Variants in CCDC85C observed in about 807,000 individuals in gnomAD.
CCDC85C encodes coiled-coil domain-containing protein 85C.
Under a neutral mutation model 38.3 loss-of-function variants are expected in CCDC85C, and 18 were observed. That is an observed-to-expected ratio of 0.47 (90% CI 0.33 to 0.70). CCDC85C has a LOEUF of 0.70. Ranked by LOEUF, CCDC85C falls within the 30% of genes least tolerant of loss-of-function variation. The pLI, the probability that CCDC85C is intolerant of heterozygous loss-of-function variation, is 0.03. For synonymous variants in CCDC85C, 264 were observed against 293.8 expected, an observed-to-expected ratio of 0.90 and a Z score of 1.04; for missense variants, 566 against 621.2, an observed-to-expected ratio of 0.91 and a Z score of 0.94.
intron 1 of CCDC85C, among the ~76,000 whole-genome samples, chr14:99,562,967 C>G (rs1898147060): frequency 6.6e-6 from 1 of 152,206 alleles, no homozygotes; most frequent in African/African-American, 2.4e-5. Context: ...AGCTGGGGAA[C>G]AGTCCAGGGG....
chr14:99,577,619 C>T (rs879637956), intron 1 of CCDC85C, among the ~76,000 whole-genome samples: 3 of 151,978 alleles, frequency 2.0e-5, no homozygotes, highest in African/African-American at 7.3e-5. Flanking sequence ...TGTGTGTCTG[C>T]GAGTGCATGT....
chr14:99,568,940 A>T (rs570850593), intron 1 of CCDC85C, among the ~76,000 whole-genome samples: 1 of 152,080 alleles, frequency 6.6e-6, no homozygotes, highest in Non-Finnish European at 1.5e-5. Context: ...CACCTTGAAC[A>T]TGGGTTCTGG....
At chr14:99,598,043 C>T (rs1024555962) in intron 1 of CCDC85C, among the ~76,000 whole-genome samples, 6 of 152,212 alleles carry the variant, frequency 3.9e-5, no homozygotes, top group Non-Finnish European at 5.9e-5. Context: ...GGCTCTCTGA[C>T]CCTGGAGGCA....
Position 99,548,651 on chromosome 14 carries a change from C to G in CCDC85C, c.794-12563G>C, listed in dbSNP as rs141016331. 6.6e-6 allele frequency among the ~76,000 whole-genome samples: 1 copy of G among 151,858 alleles called. No individual in the cohort carries two copies. Among genetic ancestry groups the G allele is most frequent in the African/African-American group, 2.4e-5 (1 of 41,350 alleles). On this transcript the variant is annotated intron_variant, in intron 1 of 5. Coordinates refer to ENST00000380243, the MANE Select transcript of CCDC85C (RefSeq NM_001144995.2). The surrounding 1 kb of genome is among the most constrained non-coding windows in gnomAD (Gnocchi z 4.9). ...TTAACCCAACAATGAAATACTGTAG[C>G]GAGATAAAAATGAACAAACAAGAGC... is the stretch of plus-strand genomic sequence containing the variant.
At chr14:99,522,488 TA>T (rs779917497) in intron 2 of CCDC85C, 15 of 391,256 alleles carry the variant, frequency 3.8e-5, no homozygotes, top group Non-Finnish European at 6.1e-5. Flanking sequence ...GATGGCTGAA[TA>T]AACAGAATGA....
In CCDC85C at chr14:99,507,003, A is replaced by G; in HGVS notation, c.*8243T>C. On this transcript the variant is annotated 3_prime_UTR_variant, in exon 6 of 6. Transcript: ENST00000380243. ...TTCTCCCAAAGAAATCTCTGCCAGT[A>G]CATTTTTCTTTATGACATGCTTATT... 1.1e-6 allele frequency: 1 copy of G among 909,298 alleles called. No individual in the cohort carries two copies. The highest frequency in any genetic ancestry group is 1.9e-6 in the Non-Finnish European group (1 of 536,836). The allele number at this position is 909,298 out of a possible 1,614,324, so 56.3% of individuals were successfully genotyped here. A position where few individuals can be genotyped will look rare whatever the true frequency, so the allele number is the denominator to read the frequency against.
At chr14:99,542,842 G>A (rs949445184) in intron 1 of CCDC85C, among the ~76,000 whole-genome samples, 3 of 152,198 alleles carry the variant, frequency 2.0e-5, no homozygotes, top group African/African-American at 4.8e-5. Context: ...TGAGCACTTC[G>A]GGTTTCCCCC....
chr14:99,575,826 C>A (rs1175611818), intron 1 of CCDC85C, among the ~76,000 whole-genome samples: 1 of 152,208 alleles, frequency 6.6e-6, no homozygotes, highest in Non-Finnish European at 1.5e-5. Context: ...CCCAGGGACA[C>A]CCAGGCTGGA....
chr14:99,504,080 G>T lies in CCDC85C; in HGVS notation c.*11166C>A. ...CCAGCCCAGCTGCCCTTGCAGGCAA[G>T]GCCTCTTTGAAACACACTTGGGTTG... On this transcript the variant is annotated 3_prime_UTR_variant, in exon 6 of 6. Coordinates refer to ENST00000380243, the MANE Select transcript of CCDC85C (RefSeq NM_001144995.2). 2.6e-6 allele frequency: 1 copy of T among 386,074 alleles called. No homozygotes were observed. The highest frequency in any genetic ancestry group is 5.2e-6 in the Non-Finnish European group (1 of 194,108). The allele number at this position is 386,074 out of a possible 1,614,324, so 23.9% of individuals were successfully genotyped here.
At chr14:99,551,715 G>C (rs1361836998) in intron 1 of CCDC85C, among the ~76,000 whole-genome samples, 1 of 151,386 alleles carries the variant, frequency 6.6e-6, no homozygotes, top group African/African-American at 2.4e-5. Context: ...GTGAGCAGGT[G>C]GGTGGGCAGA....
In CCDC85C at chr14:99,544,016, G is replaced by A. The variant is rs1897761241; in HGVS notation, c.794-7928C>T. ...AAAAGAGTTCTCCCATCCACTTGGG[G>A]CATAAAGAAGAGAACCATCTTTCCC... On this transcript the variant is annotated intron_variant, in intron 1 of 5. Coordinates refer to ENST00000380243, the MANE Select transcript of CCDC85C (RefSeq NM_001144995.2). This position sits in a 1 kb window ranked among gnomAD's most constrained non-coding sequence, Gnocchi z 5.3. Among the ~76,000 whole-genome samples, 1 of 152,198 alleles carries A rather than the reference G, an allele frequency of 6.6e-6. No individual in the cohort carries two copies. Among genetic ancestry groups the A allele is most frequent in the African/African-American group, 2.4e-5 (1 of 41,448 alleles).
rs762734394 is a variant in CCDC85C at position 99,536,001 on chromosome 14, C to T, written c.867+14G>A. The T allele has an allele frequency of 7.1e-6, 11 of 1,550,066 alleles. No homozygotes were observed. The highest frequency in any genetic ancestry group is 2.0e-5 in the Admixed American group (1 of 50,968). ...TCGCGGTCCTCAAGGCAGCGCCACC[C>T]GAAGCCGGCCTACCTGTGCGAGGAG... On this transcript the variant is annotated intron_variant, in intron 2 of 5. Transcript: ENST00000380243.
chr14:99,586,996 G>C (rs2055034323), intron 1 of CCDC85C, among the ~76,000 whole-genome samples: 1 of 152,228 alleles, frequency 6.6e-6, no homozygotes, highest in South Asian at 2.1e-4. Context: ...GGGGGTGACA[G>C]TGGGAGGGAC....
chr14:99,549,945 C>T lies in CCDC85C; in HGVS notation c.794-13857G>A, dbSNP rs141068170. ...AGCTGTGTGCCCGTGAGGGCTGCTG[C>T]GATCTCTGTTCAGAAGAGGCAGTGT... On this transcript the variant is annotated intron_variant, in intron 1 of 5. Transcript: ENST00000380243. Among the ~76,000 whole-genome samples the T allele has an allele frequency of 5.4e-4, 82 of 152,302 alleles. No individual in the cohort carries two copies. The East Asian group carries it at 0.012, about 22-fold the overall frequency.
In CCDC85C at chr14:99,503,778, C is replaced by T. The variant is rs1896902456; in HGVS notation, c.*11468G>A. 4.3e-6 allele frequency: 3 copies of T among 703,684 alleles called. No homozygotes were observed. Among genetic ancestry groups the T allele is most frequent in the African/African-American group, 1.8e-5 (1 of 55,462 alleles). 43.6% of individuals were successfully genotyped at this position (703,684 alleles called of 1,614,324 possible). On this transcript the variant is annotated 3_prime_UTR_variant, in exon 6 of 6. Coordinates refer to ENST00000380243, the MANE Select transcript of CCDC85C (RefSeq NM_001144995.2). The stretch of plus-strand genomic sequence containing the variant: ...CTTTAGAGCTCATACAAAACTTTTC[C>T]ATCAGCATTGTCTTTCTGTTCATCA...
Position 99,507,897 on chromosome 14 carries a change from AGAG to A in CCDC85C, c.*7346_*7348del, listed in dbSNP as rs1897015371. 1 of 152,272 alleles carries A rather than the reference AGAG, an allele frequency of 6.6e-6. No homozygotes were observed. Among genetic ancestry groups the A allele is most frequent in the Admixed American group, 6.5e-5 (1 of 15,284 alleles). The allele number at this position is 152,272 out of a possible 1,614,324, so 9.4% of individuals were successfully genotyped here. ...AAGCCTCTCTGATACCGCTGGCAAT[AGAG>A]GAGAAAAGCTGTAAAGTAGATGGCA... On this transcript the variant is annotated 3_prime_UTR_variant, in exon 6 of 6. Transcript: ENST00000380243.
At chr14:99,541,037 C>G (rs899379165) in intron 1 of CCDC85C, among the ~76,000 whole-genome samples, 6 of 152,304 alleles carry the variant, frequency 3.9e-5, no homozygotes, top group African/African-American at 1.4e-4. Flanking sequence ...CCTCCACCTC[C>G]CCTCCAGACT....
chr14:99,548,962 A>G lies in CCDC85C; in HGVS notation c.794-12874T>C, dbSNP rs1392108921. On this transcript the variant is annotated intron_variant, in intron 1 of 5. Transcript: ENST00000380243. This position sits in a 1 kb window ranked among gnomAD's most constrained non-coding sequence, Gnocchi z 4.9. The stretch of plus-strand genomic sequence containing the variant: ...ATCCTCACATTGTTAGAGGCTTGCC[A>G]GGCAGGAGAAATTTTTAAAAACTGC... Among the ~76,000 whole-genome samples, 1 of 152,200 alleles carries G rather than the reference A, an allele frequency of 6.6e-6. No homozygotes were observed. The highest frequency in any genetic ancestry group is 2.4e-5 in the African/African-American group (1 of 41,456).
rs1250194320 is a variant in CCDC85C, at chr14:99,510,058, C to T, written c.*5188G>A. 2 of 1,256,370 alleles carry T rather than the reference C, an allele frequency of 1.6e-6. No individual in the cohort carries two copies. Among genetic ancestry groups the T allele is most frequent in the South Asian group, 1.5e-5 (1 of 66,818 alleles). 77.8% of individuals were successfully genotyped at this position (1,256,370 alleles called of 1,614,324 possible). On this transcript the variant is annotated 3_prime_UTR_variant, in exon 6 of 6. Coordinates refer to ENST00000380243, the MANE Select transcript of CCDC85C (RefSeq NM_001144995.2). The stretch of plus-strand genomic sequence containing the variant: ...GCCACAGAGGAGGCGGGCAGCTGCT[C>T]CCTGCTCCTCTGTAAAGATGGCCCT...
Sources: allele counts gnomAD v4.1 joint callset (sites outside exome capture counted in the v4.1 genomes callset), GRCh38; gene constraint gnomAD v4.1.1; non-coding constraint Gnocchi (gnomAD v3.1); transcripts MANE v1.5; gene names NCBI Gene and HGNC (gene_info 2026-07-23, HGNC 2026-07-21).